The following RGS20 variants were observed in gnomAD, a reference collection of about 807,000 sequenced individuals.
RGS20 encodes gz-selective GTPase-activating protein.
Under a neutral mutation model 33.6 loss-of-function variants are expected in RGS20, and 30 were observed. The observed-to-expected ratio is 0.89, with a 90% CI of 0.67 to 1.21. The LOEUF is 1.21. RGS20 is among the 50% of genes most tolerant of loss of function. The pLI is 0.00. For missense variants in RGS20, 472 were observed against 502.4 expected (o/e 0.94, Z 0.58); for synonymous variants, 208 against 197.9 (o/e 1.05, Z -0.43).
At chr8:53,931,170 A>G (rs1211522404) in intron 2 of RGS20, among the ~76,000 whole-genome samples, 1 of 152,178 alleles carries the variant, frequency 6.6e-6, no homozygotes, top group Non-Finnish European at 1.5e-5. Flanking sequence ...GTCTCTGGGT[A>G]TGTTGGGAGC....
intron 2 of RGS20, among the ~76,000 whole-genome samples, chr8:53,930,269 G>A (rs549590317): frequency 9.2e-5 from 14 of 152,202 alleles, no homozygotes; most frequent in Non-Finnish European, 1.8e-4. Flanking sequence ...TATCTACTTA[G>A]AAAACACAGT....
At chr8:53,942,348 C>A (rs1814323801) in intron 3 of RGS20, among the ~76,000 whole-genome samples, 1 of 152,006 alleles carries the variant, frequency 6.6e-6, no homozygotes, top group Non-Finnish European at 1.5e-5. Flanking sequence ...GTCCCAGCTA[C>A]TCAGGAGGCT....
chr8:53,953,047 C>G (rs567299227), intron 4 of RGS20, among the ~76,000 whole-genome samples: 1 of 151,992 alleles, frequency 6.6e-6, no homozygotes, highest in Non-Finnish European at 1.5e-5. Flanking sequence ...ACTAGAGACT[C>G]GGAAAGGTGG....
At chr8:53,854,289 A>G (rs1331899250) in intron 1 of RGS20, among the ~76,000 whole-genome samples, 1 of 152,222 alleles carries the variant, frequency 6.6e-6, no homozygotes, top group African/African-American at 2.4e-5. Context: ...TTGAGAGGGT[A>G]AAAGACAGCA....
intron 2 of RGS20, among the ~76,000 whole-genome samples, chr8:53,920,415 TG>T (rs1398070277): frequency 5.9e-5 from 9 of 152,284 alleles, no homozygotes; most frequent in African/African-American, 2.2e-4. Context: ...TTGTTTTTTT[TG>T]TTTGTTTTTA....
At chr8:53,892,039 T>C (rs1812723779) in intron 2 of RGS20, among the ~76,000 whole-genome samples, 1 of 151,782 alleles carries the variant, frequency 6.6e-6, no homozygotes, top group African/African-American at 2.4e-5. Context: ...ATCCCTCCCC[T>C]CTCCCCACAC....
At position 53,943,549 on chromosome 8, in the gene RGS20, C is replaced by CCT. The variant is rs567187044; in HGVS notation, c.660-3116_660-3115insCT. Among the ~76,000 whole-genome samples, 119 of 152,272 alleles carry CCT rather than the reference C, an allele frequency of 7.8e-4. 1 individual carries two copies. The highest frequency in any genetic ancestry group is 2.6e-3 in the African/African-American group (107 of 41,552). On this transcript the variant is annotated intron_variant, in intron 3 of 5. Transcript: ENST00000297313. Reference sequence around the variant, plus strand: ...GAGCAACTATCTTGGCTACTATAGACATCTTCTAGGTCTGCTGTAACAATA... The same window carrying CCT: ...GAGCAACTATCTTGGCTACTATAGACCTATCTTCTAGGTCTGCTGTAACAATA...
chr8:53,895,296 T>C (rs368146158), intron 2 of RGS20, among the ~76,000 whole-genome samples: 1 of 152,106 alleles, frequency 6.6e-6, no homozygotes. Flanking sequence ...CCTAGAGATG[T>C]CCAGGAGAGC....
chr8:53,883,862 C>T (rs1172425861), intron 2 of RGS20, among the ~76,000 whole-genome samples: 1 of 151,764 alleles, frequency 6.6e-6, no homozygotes, highest in East Asian at 1.9e-4. Flanking sequence ...AGGAGAATTG[C>T]TTGAACTCAG....
intron 2 of RGS20, among the ~76,000 whole-genome samples, chr8:53,909,347 T>C (rs113285244): frequency 0.012 from 1,810 of 150,320 alleles, 23 homozygotes; most frequent in Non-Finnish European, 0.02. Flanking sequence ...CCTTCCAGGC[T>C]CCAGCAATCC....
intron 2 of RGS20, among the ~76,000 whole-genome samples, chr8:53,919,789 G>C (rs1813593646): frequency 6.6e-6 from 1 of 152,040 alleles, no homozygotes; most frequent in Non-Finnish European, 1.5e-5. Flanking sequence ...TTTTGATAGG[G>C]ATTGCATTGA....
At chr8:53,937,872 A>T (rs534432082) in intron 2 of RGS20, among the ~76,000 whole-genome samples, 80 of 152,342 alleles carry the variant, frequency 5.3e-4, no homozygotes, top group African/African-American at 1.9e-3. Flanking sequence ...ATGATTAAAA[A>T]GTTAGGTAAC....
intron 3 of RGS20, among the ~76,000 whole-genome samples, chr8:53,944,008 C>T (rs1452795151): frequency 3.3e-5 from 5 of 151,976 alleles, no homozygotes; most frequent in African/African-American, 1.2e-4. Flanking sequence ...CACACACACA[C>T]ACACACACAC....
chr8:53,858,917 G>C (rs546759506), intron 1 of RGS20, among the ~76,000 whole-genome samples: 3 of 150,698 alleles, frequency 2.0e-5, no homozygotes, highest in East Asian at 1.9e-4. Flanking sequence ...AAAAAACCGC[G>C]GGGGGTGGGG....
At chr8:53,902,074 G>A (rs994933843) in intron 2 of RGS20, among the ~76,000 whole-genome samples, 1 of 152,008 alleles carries the variant, frequency 6.6e-6, no homozygotes, top group Non-Finnish European at 1.5e-5. Flanking sequence ...CTGAAGTACA[G>A]TGATGCGACC....
At chr8:53,904,524 T>C (rs1813114661) in intron 2 of RGS20, among the ~76,000 whole-genome samples, 1 of 152,240 alleles carries the variant, frequency 6.6e-6, no homozygotes, top group African/African-American at 2.4e-5. Flanking sequence ...AAATTCTCAT[T>C]AGGGAGCCTG....
chr8:53,939,684 G>T lies in RGS20; in HGVS notation c.619G>T (p.Ala207Ser). 2 of 1,572,048 alleles carry T rather than the reference G, an allele frequency of 1.3e-6. No individual in the cohort carries two copies. The highest frequency in any genetic ancestry group is 1.7e-6 in the Non-Finnish European group (2 of 1,158,494). Residue 207 changes from alanine (A) to serine (S), a missense_variant, in exon 3 of 6, where the codon GCA (alanine) becomes TCA (serine). Physicochemically the swap from Ala to Ser is moderately conservative, Grantham distance 99. Coordinates refer to ENST00000297313, the MANE Select transcript of RGS20 (RefSeq NM_170587.4). ...CGGAGCGGGGAGTCGCGGGTCCAAC[G>T]CATGCTGCTTCTGCTGGTGCTGCTG...
intron 4 of RGS20, among the ~76,000 whole-genome samples, chr8:53,952,963 C>G (rs532683612): frequency 1.4e-4 from 21 of 151,974 alleles, no homozygotes; most frequent in Non-Finnish European, 3.1e-4. Flanking sequence ...AGAAGTAGCA[C>G]GAAAATAAAT....
intron 2 of RGS20, among the ~76,000 whole-genome samples, chr8:53,892,347 A>T (rs1479035399): frequency 6.6e-6 from 1 of 152,186 alleles, no homozygotes; most frequent in Non-Finnish European, 1.5e-5. Context: ...GCCGCAATAA[A>T]CATACATGTG....
Sources: allele counts gnomAD v4.1 joint callset (sites outside exome capture counted in the v4.1 genomes callset), GRCh38; gene constraint gnomAD v4.1.1; transcripts MANE v1.5; gene names NCBI Gene and HGNC (gene_info 2026-07-23, HGNC 2026-07-21).